The following PELI2 variants were observed in gnomAD, a reference collection of about 807,000 sequenced individuals.
PELI2 encodes E3 ubiquitin-protein ligase pellino homolog 2.
PELI2 carries 23 observed loss-of-function variants against 42.3 expected under a neutral mutation model. The ratio of observed to expected loss-of-function variants is 0.54; its 90% CI spans 0.39 to 0.77. The LOEUF (loss-of-function observed/expected upper bound fraction) is 0.77, where lower values mean the gene tolerates loss of function less well. Among genes scored for constraint, PELI2 ranks in the 30% least tolerant of loss-of-function variants. The pLI, the probability that PELI2 is intolerant of heterozygous loss-of-function variation, is 0.00. For missense variants in PELI2, 463 were observed against 553.2 expected, an observed-to-expected ratio of 0.84 and a Z score of 1.64; for synonymous variants, 245 against 212.2, an observed-to-expected ratio of 1.15 and a Z score of -1.34.
chr14:56,130,845 C>G (rs1023967111), intron 1 of PELI2, among the ~76,000 whole-genome samples: 3 of 152,072 alleles, frequency 2.0e-5, no homozygotes, highest in Non-Finnish European at 2.9e-5. Flanking sequence ...CCATTTTGTT[C>G]CTCCTTCCAG....
chr14:56,130,927 T>C (rs1348202938), intron 1 of PELI2, among the ~76,000 whole-genome samples: 1 of 152,208 alleles, frequency 6.6e-6, no homozygotes, highest in Non-Finnish European at 1.5e-5. Flanking sequence ...TTGCTGTCGT[T>C]GGTAATTTAG....
chr14:56,148,815 G>A (rs536579239), intron 1 of PELI2, among the ~76,000 whole-genome samples: 1 of 152,160 alleles, frequency 6.6e-6, no homozygotes, highest in Non-Finnish European at 1.5e-5. Context: ...TGTGATCCTG[G>A]TATCTAGTCC....
chr14:56,119,666 G>C (rs977397367), intron 1 of PELI2: 9 of 594,494 alleles, frequency 1.5e-5, no homozygotes, highest in Non-Finnish European at 1.9e-5. Context: ...GAGGCTTTGC[G>C]GGCTTAAAAC....
At chr14:56,258,520 A>G (rs1436224798) in intron 2 of PELI2, among the ~76,000 whole-genome samples, 3 of 152,096 alleles carry the variant, frequency 2.0e-5, no homozygotes, top group Admixed American at 6.6e-5. Context: ...GAGAAGAACA[A>G]TGTCAGAAAA....
chr14:56,200,561 C>A (rs142862600), intron 2 of PELI2, among the ~76,000 whole-genome samples: 1 of 152,218 alleles, frequency 6.6e-6, no homozygotes, highest in Admixed American at 6.5e-5. Flanking sequence ...GGAAGGAAAT[C>A]TCACTAAAGG....
At chr14:56,246,029 T>C (rs2139804555) in intron 2 of PELI2, among the ~76,000 whole-genome samples, 1 of 152,254 alleles carries the variant, frequency 6.6e-6, no homozygotes, top group Middle Eastern at 3.4e-3. Flanking sequence ...TAATAGACTT[T>C]TCGAACTGCA....
chr14:56,295,240 G>A (rs892820082), intron 5 of PELI2, among the ~76,000 whole-genome samples: 1 of 152,106 alleles, frequency 6.6e-6, no homozygotes, highest in Non-Finnish European at 1.5e-5. Context: ...AGTTCTAGAA[G>A]TGACCTTTTT....
chr14:56,118,936 A>T (rs113922476), intron 1 of PELI2, among the ~76,000 whole-genome samples, 199 bp downstream of exon 1: 1 of 149,896 alleles, frequency 6.7e-6, no homozygotes, highest in Non-Finnish European at 1.5e-5. Flanking sequence ...GCTGCGGCGG[A>T]CGCCGGGCTG....
At chr14:56,123,558 T>C (rs1883140758) in intron 1 of PELI2, among the ~76,000 whole-genome samples, 1 of 152,190 alleles carries the variant, frequency 6.6e-6, no homozygotes, top group Admixed American at 6.5e-5. Flanking sequence ...TTAGCCTTGT[T>C]TGGAATATGT....
At chr14:56,248,946 CA>C (rs955544312) in intron 2 of PELI2, among the ~76,000 whole-genome samples, 6 of 152,090 alleles carry the variant, frequency 3.9e-5, no homozygotes, top group African/African-American at 1.4e-4. Context: ...ATGGTCATTT[CA>C]AAAAGTAAAA....
At chr14:56,225,422 G>A (rs938159440) in intron 2 of PELI2, among the ~76,000 whole-genome samples, 2 of 152,186 alleles carry the variant, frequency 1.3e-5, no homozygotes, top group African/African-American at 2.4e-5. Flanking sequence ...TGGAGGATGA[G>A]GAGCCCGTGA....
intron 1 of PELI2, among the ~76,000 whole-genome samples, chr14:56,119,464 G>A (rs950009519): frequency 4.6e-5 from 7 of 152,178 alleles, no homozygotes; most frequent in African/African-American, 1.7e-4. Flanking sequence ...CCCGGTCCCG[G>A]CCTCGCTGAT....
chr14:56,152,525 T>C (rs1884401054), intron 1 of PELI2, among the ~76,000 whole-genome samples: 1 of 152,182 alleles, frequency 6.6e-6, no homozygotes, highest in African/African-American at 2.4e-5. Flanking sequence ...TTGAGGTTTC[T>C]GGGTGGCCAC....
At chr14:56,122,935 C>T (rs978985332) in intron 1 of PELI2, among the ~76,000 whole-genome samples, 1 of 152,110 alleles carries the variant, frequency 6.6e-6, no homozygotes, top group Non-Finnish European at 1.5e-5. Context: ...AAACATTAGT[C>T]TGAGAAGGGC....
At chr14:56,289,851 T>G (rs760760654) in intron 4 of PELI2, among the ~76,000 whole-genome samples, 2 of 152,242 alleles carry the variant, frequency 1.3e-5, no homozygotes, top group Non-Finnish European at 2.9e-5. Flanking sequence ...TTTATGACTG[T>G]CCTTTCTCTT....
chr14:56,277,849 C>T (rs76592304), intron 2 of PELI2, among the ~76,000 whole-genome samples: 1 of 152,208 alleles, frequency 6.6e-6, no homozygotes, highest in Admixed American at 6.5e-5. Flanking sequence ...GAGGGCTGCT[C>T]CCCAGACATC....
chr14:56,150,953 A>T (rs778259007), intron 1 of PELI2, among the ~76,000 whole-genome samples: 1 of 152,218 alleles, frequency 6.6e-6, no homozygotes, highest in South Asian at 2.1e-4. Context: ...AACTTTATGG[A>T]TAAGAAGACT....
chr14:56,233,937 G>A (rs915992188), intron 2 of PELI2, among the ~76,000 whole-genome samples: 9 of 152,276 alleles, frequency 5.9e-5, no homozygotes, highest in East Asian at 3.9e-4. Flanking sequence ...AAAAGTGGGC[G>A]AAGGACATGA....
At chr14:56,229,220 G>A (rs570002513) in intron 2 of PELI2, among the ~76,000 whole-genome samples, 114 of 152,358 alleles carry the variant, frequency 7.5e-4, no homozygotes, top group African/African-American at 2.6e-3. Flanking sequence ...AAGCATCCCT[G>A]TCTGACAGCT....
Sources: gnomAD v4.1 joint callset for allele counts (sites outside exome capture counted in the v4.1 genomes callset) on GRCh38, gnomAD v4.1.1 for gene constraint, MANE v1.5 for transcripts, NCBI Gene and HGNC (gene_info 2026-07-23, HGNC 2026-07-21) for gene names.